The following RORB variants were observed in gnomAD, a reference collection of about 807,000 sequenced individuals.
RORB encodes the protein nuclear receptor ROR-beta.
Under a neutral mutation model 59.1 loss-of-function variants are expected in RORB, and 6 were observed. The observed-to-expected ratio is 0.10, with a 90% confidence interval of 0.06 to 0.20. The LOEUF is 0.20. RORB is among the 10% of genes least tolerant of loss of function. The probability of loss-of-function intolerance (pLI) is 1.00; values close to 1 mark genes in which losing one functional copy is unlikely to be tolerated. For missense variants in RORB, 320 were observed against 560.5 expected (o/e 0.57, Z 4.33); for synonymous variants, 215 against 204.5 (o/e 1.05, Z -0.44).
At position 74,692,522 on chromosome 9, in the gene RORB, T is replaced by TG. The variant is rs747690274; in HGVS notation, c.*6908dup. Reference sequence around the variant, plus strand: ...AAGTCCCGTGAAACCGTGGGCTGCCTGGGGCTTGGCTGTGCCCACTAACCT... The same window carrying TG: ...AAGTCCCGTGAAACCGTGGGCTGCCTGGGGGCTTGGCTGTGCCCACTAACCT... On this transcript the variant is annotated 3_prime_UTR_variant, in exon 10 of 10. Coordinates refer to ENST00000376896, the MANE Select transcript of RORB (RefSeq NM_006914.4). The TG allele has an allele frequency of 2.0e-5, 3 of 152,170 alleles. No individual in the cohort carries two copies. Among genetic ancestry groups the TG allele is most frequent in the Non-Finnish European group, 4.4e-5 (3 of 68,038 alleles). The allele number at this position is 152,170 out of a possible 1,614,324, so 9.4% of individuals were successfully genotyped here. A position where few individuals can be genotyped will look rare whatever the true frequency, so the allele number is the denominator to read the frequency against.
intron 1 of RORB, among the ~76,000 whole-genome samples, chr9:74,539,963 T>C (rs919087730): frequency 1.3e-5 from 2 of 151,972 alleles, no homozygotes; most frequent in African/African-American, 2.4e-5. Flanking sequence ...CAATCATCAT[T>C]GTCAAATTTA....
At chr9:74,600,805 A>G (rs1823043310) in intron 1 of RORB, among the ~76,000 whole-genome samples, 1 of 152,180 alleles carries the variant, frequency 6.6e-6, no homozygotes, top group African/African-American at 2.4e-5. Context: ...ATCTAAAATA[A>G]TGTATAGTTT....
At chr9:74,622,997 C>T (rs142948032) in intron 1 of RORB, among the ~76,000 whole-genome samples, 9 of 152,222 alleles carry the variant, frequency 5.9e-5, no homozygotes, top group Non-Finnish European at 1.0e-4. Flanking sequence ...CATTGAACTC[C>T]GTGTTAACTA....
At chr9:74,638,630 T>C (rs1287160345) in intron 3 of RORB, among the ~76,000 whole-genome samples, 1 of 152,218 alleles carries the variant, frequency 6.6e-6, no homozygotes, top group East Asian at 1.9e-4. Flanking sequence ...ATATCTGAAA[T>C]ATTAACATGG....
intron 1 of RORB, among the ~76,000 whole-genome samples, chr9:74,627,274 C>A (rs1423366220): frequency 6.6e-6 from 1 of 152,020 alleles, no homozygotes; most frequent in Non-Finnish European, 1.5e-5. Flanking sequence ...TTACCTTTAC[C>A]TATCATAAAC....
At chr9:74,526,233 C>T (rs1405935734) in intron 1 of RORB, among the ~76,000 whole-genome samples, 1 of 151,886 alleles carries the variant, frequency 6.6e-6, no homozygotes, top group African/African-American at 2.4e-5. Flanking sequence ...CACAAAAACC[C>T]CCAAAATGAT....
chr9:74,646,479 A>G (rs748115999), intron 4 of RORB, among the ~76,000 whole-genome samples: 3 of 152,206 alleles, frequency 2.0e-5, no homozygotes, highest in Non-Finnish European at 4.4e-5. Context: ...CGAAACTACA[A>G]AATTCCTAGG....
At chr9:74,638,902 C>T (rs534654612) in intron 3 of RORB, among the ~76,000 whole-genome samples, 21 of 152,332 alleles carry the variant, frequency 1.4e-4, no homozygotes, top group Non-Finnish European at 3.1e-4. Context: ...CCTGAAATAA[C>T]TCTAAAATGT....
chr9:74,579,570 A>G (rs1162739340), intron 1 of RORB, among the ~76,000 whole-genome samples: 1 of 152,138 alleles, frequency 6.6e-6, no homozygotes, highest in Non-Finnish European at 1.5e-5. Flanking sequence ...TAAAATATTG[A>G]TGGTTAACAA....
intron 1 of RORB, among the ~76,000 whole-genome samples, chr9:74,614,619 TG>T (rs1823280670): frequency 6.6e-6 from 1 of 151,992 alleles, no homozygotes; most frequent in South Asian, 2.1e-4. Flanking sequence ...AGAAAAGGTT[TG>T]TGATAAGTGA....
chr9:74,600,048 A>G (rs1823030696), intron 1 of RORB, among the ~76,000 whole-genome samples: 1 of 152,100 alleles, frequency 6.6e-6, no homozygotes. Context: ...GATAATGAAC[A>G]CTTTACCAGA....
chr9:74,582,841 A>G (rs1822744480), intron 1 of RORB, among the ~76,000 whole-genome samples: 1 of 152,198 alleles, frequency 6.6e-6, no homozygotes, highest in Non-Finnish European at 1.5e-5. Context: ...TGAGATAAAC[A>G]GTAGTAGGAT....
intron 1 of RORB, among the ~76,000 whole-genome samples, chr9:74,563,541 C>T (rs139490346): frequency 6.6e-6 from 1 of 152,308 alleles, no homozygotes; most frequent in East Asian, 1.9e-4. Flanking sequence ...ATGATATTAA[C>T]ATTTTAAAAT....
At chr9:74,594,453 C>A (rs1387858650) in intron 1 of RORB, among the ~76,000 whole-genome samples, 1 of 152,072 alleles carries the variant, frequency 6.6e-6, no homozygotes, top group African/African-American at 2.4e-5. Context: ...AAAACTGGGG[C>A]TATCTGCATA....
chr9:74,498,995 C>T (rs1043798547), intron 1 of RORB: 2 of 152,600 alleles, frequency 1.3e-5, no homozygotes, highest in African/African-American at 4.8e-5. Context: ...CCTCAGGTTT[C>T]CTTCGCGCTG....
chr9:74,687,356 G>C lies in RORB; in HGVS notation c.*1738G>C, dbSNP rs72614692. 6.6e-6 allele frequency: 1 copy of C among 151,702 alleles called. No homozygotes were observed. Among genetic ancestry groups the C allele is most frequent in the South Asian group, 2.1e-4 (1 of 4,818 alleles). 9.4% of individuals were successfully genotyped at this position (151,702 alleles called of 1,614,324 possible). ...CCCCTGCTTTGTAAAGTTTCCATCA[G>C]TGGAAACTTTGATTTCTTTTTTTAA... is the stretch of plus-strand genomic sequence containing the variant. On this transcript the variant is annotated 3_prime_UTR_variant, in exon 10 of 10. Transcript: ENST00000376896.
chr9:74,593,974 A>G (rs1822937400), intron 1 of RORB, among the ~76,000 whole-genome samples: 1 of 152,230 alleles, frequency 6.6e-6, no homozygotes, highest in Non-Finnish European at 1.5e-5. Context: ...TACTATAATC[A>G]GAAAAAATAA....
At chr9:74,642,281 T>C (rs747922040) in intron 3 of RORB, 133 bp from the exon 4 acceptor site, 1 of 887,136 alleles carries the variant, frequency 1.1e-6, no homozygotes, top group Non-Finnish European at 1.7e-6. Flanking sequence ...AATGAATGGG[T>C]TCTTAAGTTA....
intron 1 of RORB, among the ~76,000 whole-genome samples, chr9:74,596,085 T>A (rs1243962036): frequency 6.6e-6 from 1 of 152,210 alleles, no homozygotes; most frequent in East Asian, 1.9e-4. Context: ...AATTCACTCT[T>A]ATTTTGAGTA....
Sources: allele counts gnomAD v4.1 joint callset (sites outside exome capture counted in the v4.1 genomes callset), GRCh38; gene constraint gnomAD v4.1.1; transcripts MANE v1.5; gene names NCBI Gene and HGNC (gene_info 2026-07-23, HGNC 2026-07-21).